The following LMTK2 variants were observed in gnomAD, a reference collection of about 807,000 sequenced individuals.
LMTK2 encodes the protein lemur tail kinase 2.
Under a neutral mutation model 127.5 loss-of-function variants are expected in LMTK2, and 37 were observed. That is an observed-to-expected ratio of 0.29 (90% CI 0.22 to 0.38). The LOEUF (loss-of-function observed/expected upper bound fraction) is 0.38, where lower values mean the gene tolerates loss of function less well. Among genes scored for constraint, LMTK2 ranks in the 10% least tolerant of loss-of-function variants. The probability of loss-of-function intolerance (pLI) is 1.00; values close to 1 mark genes in which losing one functional copy is unlikely to be tolerated. For missense variants in LMTK2, 1,694 were observed against 1,920.3 expected (o/e 0.88, Z 2.20); for synonymous variants, 819 against 810.1 (o/e 1.01, Z -0.19).
intron 2 of LMTK2, among the ~76,000 whole-genome samples, chr7:98,139,577 T>C (rs553645293): frequency 6.6e-6 from 1 of 152,296 alleles, no homozygotes; most frequent in Non-Finnish European, 1.5e-5. Flanking sequence ...TTTAGGAATG[T>C]CCAAAAGAAA....
chr7:98,157,084 G>A (rs1307335526), intron 5 of LMTK2, among the ~76,000 whole-genome samples: 6 of 152,004 alleles, frequency 3.9e-5, no homozygotes. Context: ...CCTGTCTGTA[G>A]AAAAAATCAG....
chr7:98,196,628 A>G (rs1797626214), intron 11 of LMTK2, among the ~76,000 whole-genome samples: 1 of 152,236 alleles, frequency 6.6e-6, no homozygotes, highest in Admixed American at 6.5e-5. Flanking sequence ...CAGTGGAAGC[A>G]GCCTGTGGAG....
At chr7:98,124,965 T>TAA (rs1311428888) in intron 1 of LMTK2, among the ~76,000 whole-genome samples, 1 of 152,188 alleles carries the variant, frequency 6.6e-6, no homozygotes, top group Non-Finnish European at 1.5e-5. Context: ...GATTTAGTTG[T>TAA]AATATCAGAA....
rs892610845 is a variant in LMTK2 at position 98,207,816 on chromosome 7, G to A, written c.*2324G>A. 4.6e-5 allele frequency: 7 copies of A among 152,144 alleles called. No homozygotes were observed. Among genetic ancestry groups the A allele is most frequent in the African/African-American group, 1.4e-4 (6 of 41,432 alleles). The allele number at this position is 152,144 out of a possible 1,614,324, so 9.4% of individuals were successfully genotyped here. On this transcript the variant is annotated 3_prime_UTR_variant, in exon 14 of 14. Transcript: ENST00000297293. ...TAGGATTAAGATTTTGGCCGGGCGC[G>A]GTGGCTCACGCCTGCAATCCCAACA... is the stretch of plus-strand genomic sequence containing the variant.
chr7:98,171,748 G>A lies in LMTK2; in HGVS notation c.791+74G>A. The A allele has an allele frequency of 6.9e-7, 1 of 1,447,900 alleles. No homozygotes were observed. The highest frequency in any genetic ancestry group is 9.1e-7 in the Non-Finnish European group (1 of 1,099,770). 89.7% of individuals were successfully genotyped at this position (1,447,900 alleles called of 1,614,324 possible). A position where few individuals can be genotyped will look rare whatever the true frequency, so the allele number is the denominator to read the frequency against. On this transcript the variant is annotated intron_variant, in intron 7 of 13. Coordinates refer to ENST00000297293, the MANE Select transcript of LMTK2 (RefSeq NM_014916.4). This position sits in a 1 kb window ranked among gnomAD's most constrained non-coding sequence, Gnocchi z 5.1. ...AGTCCAGAGAGGCTGCCGAGTTTGT[G>A]AAACTTAAGGAGGACAGGAGGTGGC... is the stretch of plus-strand genomic sequence containing the variant.
chr7:98,107,321 G>C, intron 1 of LMTK2, 41 bp downstream of exon 1: 1 of 1,253,858 alleles, frequency 8.0e-7, no homozygotes, highest in Non-Finnish European at 1.0e-6. Context: ...CGGGGTCTTC[G>C]GCGTGGAGGG....
rs1367908052 is a variant in LMTK2 at position 98,193,846 on chromosome 7, C to G, written c.3381C>G (p.Ala1127=). ...SEEVPGTSPS[A]LVLVQEQPLP... Reference sequence around the variant, plus strand: ...AGGTCCCGGGAACCTCCCCATCCGCCTTGGTGTTGGTACAGGAGCAGCCCC... The same window carrying G: ...AGGTCCCGGGAACCTCCCCATCCGCGTTGGTGTTGGTACAGGAGCAGCCCC... The change falls in exon 11 of 14, where the codon GCC becomes GCG. Residue 1127 remains alanine, a synonymous_variant. Coordinates refer to ENST00000297293, the MANE Select transcript of LMTK2 (RefSeq NM_014916.4). The surrounding 1 kb of genome is among the most constrained non-coding windows in gnomAD (Gnocchi z 4.1). 6.2e-7 allele frequency: 1 copy of G among 1,614,080 alleles called. No homozygotes were observed. Among genetic ancestry groups the G allele is most frequent in the Admixed American group, 1.7e-5 (1 of 60,012 alleles).
Position 98,194,478 on chromosome 7 carries a change from C to T in LMTK2, c.4013C>T (p.Ala1338Val), listed in dbSNP as rs765280774. The change falls in exon 11 of 14, where the codon GCG becomes GTG. Residue 1338 changes from alanine (A) to valine (V), a missense_variant. Transcript: ENST00000297293. The surrounding 1 kb of genome is among the most constrained non-coding windows in gnomAD (Gnocchi z 5.4). ...RHLRSLLKPT[A>V]ANAPDPLPED... Reference sequence around the variant, plus strand: ...CTGCGGAGTCTGTTGAAGCCCACAGCGGCCAATGCCCCCGACCCACTGCCC... The same window carrying T: ...CTGCGGAGTCTGTTGAAGCCCACAGTGGCCAATGCCCCCGACCCACTGCCC... 1.1e-5 allele frequency: 18 copies of T among 1,613,804 alleles called. No individual in the cohort carries two copies. Among genetic ancestry groups the T allele is most frequent in the African/African-American group, 1.1e-4 (8 of 74,940 alleles).
rs1796981854 is a variant in LMTK2, at chr7:98,159,521, G to A, written c.657+96G>A. The A allele has an allele frequency of 1.0e-5, 8 of 802,164 alleles. No homozygotes were observed. The East Asian group carries it at 2.0e-4, about 20-fold the overall frequency. The allele number at this position is 802,164 out of a possible 1,614,324, so 49.7% of individuals were successfully genotyped here. On this transcript the variant is annotated intron_variant, in intron 6 of 13. Coordinates refer to ENST00000297293, the MANE Select transcript of LMTK2 (RefSeq NM_014916.4). ...ATGCTGGATGAGGGGTTGCTTTCAT[G>A]TCTGTCCCCCACTTGAAGAACTTTA...
chr7:98,186,984 G>A lies in LMTK2; in HGVS notation c.984G>A (p.Lys328=). Residue 328 remains lysine, a synonymous_variant, in exon 9 of 14, where the codon AAG becomes AAA. Coordinates refer to ENST00000297293, the MANE Select transcript of LMTK2 (RefSeq NM_014916.4). ...GACTGCTAACTGCAGATCAGACTAAGTATAGTAATATCTGGTACGTATTGG... is the reference window on the plus strand; with the variant it reads ...GACTGCTAACTGCAGATCAGACTAAATATAGTAATATCTGGTACGTATTGG... ...QDRLLTADQT[K]YSNIWSLGVT... 10 of 1,613,182 alleles carry A rather than the reference G, an allele frequency of 6.2e-6. No individual in the cohort carries two copies. The highest frequency in any genetic ancestry group is 8.5e-6 in the Non-Finnish European group (10 of 1,179,568).
chr7:98,193,813 G>A lies in LMTK2; in HGVS notation c.3348G>A (p.Arg1116=), dbSNP rs3801296. 67,814 of 1,613,882 alleles carry A rather than the reference G, an allele frequency of 0.042. 5,065 individuals carry two copies. The highest frequency in any genetic ancestry group is 0.3 in the East Asian group (13,609 of 44,836). Residue 1116 remains arginine (R), a synonymous_variant, in exon 11 of 14, where the codon AGG becomes AGA. Transcript: ENST00000297293. This position sits in a 1 kb window ranked among gnomAD's most constrained non-coding sequence, Gnocchi z 4.1. ...FSDNDSEPEK[R]SEEVPGTSPS... The stretch of plus-strand genomic sequence containing the variant: ...ACAATGACTCTGAGCCCGAGAAAAG[G>A]TCTGAGGAGGTCCCGGGAACCTCCC...
rs906421764 is a variant in LMTK2 at position 98,194,734 on chromosome 7, G to A, written c.4107+162G>A. The stretch of plus-strand genomic sequence containing the variant: ...GGGTTGGTTAGAGTTCTAAGAATAT[G>A]CAGAAATGTCATTTGCTCAGGGAGT... On this transcript the variant is annotated intron_variant, in intron 11 of 13. Coordinates refer to ENST00000297293, the MANE Select transcript of LMTK2 (RefSeq NM_014916.4). This position sits in a 1 kb window ranked among gnomAD's most constrained non-coding sequence, Gnocchi z 5.4. Among the ~76,000 whole-genome samples the A allele has an allele frequency of 1.3e-5, 2 of 152,252 alleles. No individual in the cohort carries two copies. The highest frequency in any genetic ancestry group is 4.8e-5 in the African/African-American group (2 of 41,466).
chr7:98,108,943 AC>A (rs894942648), intron 1 of LMTK2, among the ~76,000 whole-genome samples: 16 of 141,856 alleles, frequency 1.1e-4, no homozygotes, highest in Admixed American at 4.4e-4. Flanking sequence ...GCTGACTGCA[AC>A]CCCCCCCTTC....
At chr7:98,174,607 G>T (rs1050534864) in intron 7 of LMTK2, among the ~76,000 whole-genome samples, 8 of 152,220 alleles carry the variant, frequency 5.3e-5, no homozygotes, top group African/African-American at 1.9e-4. Flanking sequence ...GGGTTCTCAT[G>T]GGCGGCCTGC....
chr7:98,161,791 G>A (rs1797020614), intron 6 of LMTK2, among the ~76,000 whole-genome samples: 1 of 152,126 alleles, frequency 6.6e-6, no homozygotes, highest in Non-Finnish European at 1.5e-5. Context: ...TGCGCCCTCA[G>A]GTGACAAGGC....
intron 3 of LMTK2, among the ~76,000 whole-genome samples, chr7:98,146,970 C>A (rs1796783330): frequency 6.6e-6 from 1 of 152,180 alleles, no homozygotes; most frequent in East Asian, 1.9e-4. Context: ...TTGTTTATCT[C>A]AGAATGTCTT....
intron 2 of LMTK2, among the ~76,000 whole-genome samples, chr7:98,140,076 A>AACTTACTTACTTACTT (rs1489752762): frequency 5.7e-4 from 23 of 40,432 alleles, no homozygotes; most frequent in Admixed American, 1.2e-3. Context: ...AGGTTTCCAC[A>AACTTACTTACTTACTT]ACTTTCTTTC....
Position 98,194,846 on chromosome 7 carries a change from A to G in LMTK2, c.4107+274A>G, listed in dbSNP as rs1797602841. Among the ~76,000 whole-genome samples the G allele has an allele frequency of 6.6e-6, 1 of 152,078 alleles. No homozygotes were observed. Among genetic ancestry groups the G allele is most frequent in the African/African-American group, 2.4e-5 (1 of 41,396 alleles). On this transcript the variant is annotated intron_variant, in intron 11 of 13. Coordinates refer to ENST00000297293, the MANE Select transcript of LMTK2 (RefSeq NM_014916.4). This position sits in a 1 kb window ranked among gnomAD's most constrained non-coding sequence, Gnocchi z 5.4. ...CTGAATTAGTCACCCTTTACACACC[A>G]AATTTTTACTGTTTTACTTTTTTAT...
At chr7:98,141,056 C>T (rs182871734) in intron 2 of LMTK2, among the ~76,000 whole-genome samples, 172 of 119,240 alleles carry the variant, frequency 1.4e-3, no homozygotes, top group African/African-American at 4.7e-3. Context: ...GGCAACAGAG[C>T]AAAACCTTGT....
Sources: gnomAD v4.1 joint callset for allele counts (sites outside exome capture counted in the v4.1 genomes callset) on GRCh38, gnomAD v4.1.1 for gene constraint, Gnocchi (gnomAD v3.1) non-coding constraint, MANE v1.5 for transcripts, NCBI Gene and HGNC (gene_info 2026-07-23, HGNC 2026-07-21) for gene names.